PEMT: variants seen among roughly 807,000 people sequenced by gnomAD.
PEMT encodes phosphatidylethanolamine N-methyltransferase.
Under a neutral mutation model 27.4 loss-of-function variants are expected in PEMT, and 23 were observed. That is an observed-to-expected ratio of 0.84 (90% CI 0.60 to 1.19). The LOEUF (loss-of-function observed/expected upper bound fraction) is 1.19. Ranked by LOEUF, PEMT falls within the 50% of genes most tolerant of loss-of-function variation. PEMT has a pLI of 0.00. For missense variants in PEMT, 307 were observed against 310.1 expected (o/e 0.99, Z 0.07); for synonymous variants, 137 against 139.1 (o/e 0.98, Z 0.11).
chr17:17,575,457 C>T (rs1312725809), intron 2 of PEMT, among the ~76,000 whole-genome samples: 3 of 152,226 alleles, frequency 2.0e-5, no homozygotes, highest in Non-Finnish European at 4.4e-5. Flanking sequence ...CCCTCCTCAC[C>T]CTTCACCACC....
At chr17:17,515,091 C>A (rs1245383628) in intron 3 of PEMT, among the ~76,000 whole-genome samples, 1 of 152,164 alleles carries the variant, frequency 6.6e-6, no homozygotes, top group Non-Finnish European at 1.5e-5. Flanking sequence ...AGAGGCCAGG[C>A]CCGAGACGCT....
chr17:17,535,823 G>A (rs1908425606), intron 2 of PEMT, among the ~76,000 whole-genome samples: 1 of 152,204 alleles, frequency 6.6e-6, no homozygotes, highest in African/African-American at 2.4e-5. Context: ...CTAGTTTAGT[G>A]TATGTTGCAT....
rs1016840565 is a variant in PEMT, at chr17:17,570,614, G to A, written c.204+6306C>T. ...GGTCTGTGGGCAGCCTTGCACAAGA[G>A]AAGCCAGATCACCCAGAAAGGCCCA... On this transcript the variant is annotated intron_variant, in intron 2 of 6. Coordinates refer to ENST00000255389, the MANE Select transcript of PEMT (RefSeq NM_148172.3). 1.0e-5 allele frequency: 10 copies of A among 985,306 alleles called. No individual in the cohort carries two copies. The African/African-American group carries it at 1.4e-4, about 14-fold the overall frequency. 61.0% of individuals were successfully genotyped at this position (985,306 alleles called of 1,614,324 possible).
chr17:17,589,958 G>A (rs4646342), intron 1 of PEMT, among the ~76,000 whole-genome samples: 64,158 of 151,830 alleles, frequency 0.42, 13,772 homozygotes, highest in Middle Eastern at 0.5. Flanking sequence ...TCACACACCC[G>A]GTTAGTCTCC....
intron 2 of PEMT, among the ~76,000 whole-genome samples, chr17:17,553,916 C>T (rs186101146): frequency 1.1e-3 from 163 of 152,360 alleles, no homozygotes; most frequent in African/African-American, 3.7e-3. Context: ...CCTCCCTCCC[C>T]GCTGCCCGGC....
intron 2 of PEMT, among the ~76,000 whole-genome samples, chr17:17,554,172 T>C (rs1909877534): frequency 6.6e-6 from 1 of 152,228 alleles, no homozygotes; most frequent in African/African-American, 2.4e-5. Flanking sequence ...CTCACAGACA[T>C]ACCTTGTGCA....
At chr17:17,562,313 C>A (rs1015407161) in intron 2 of PEMT, among the ~76,000 whole-genome samples, 11 of 152,322 alleles carry the variant, frequency 7.2e-5, no homozygotes, top group African/African-American at 2.4e-4. Flanking sequence ...GAGCTCACTG[C>A]AGCGGCAGCC....
At chr17:17,591,230 G>A (rs1413137792) in intron 1 of PEMT, among the ~76,000 whole-genome samples, 1 of 130,298 alleles carries the variant, frequency 7.7e-6, no homozygotes, top group Non-Finnish European at 1.9e-5. Context: ...AGACTAACAC[G>A]GACAACCTCT....
chr17:17,506,161 G>A, intron 6 of PEMT, 66 bp downstream of exon 6: 2 of 1,309,166 alleles, frequency 1.5e-6, no homozygotes, highest in East Asian at 2.5e-5. Context: ...CACAAGGAAA[G>A]GTTCTAGAGG....
intron 2 of PEMT, among the ~76,000 whole-genome samples, chr17:17,574,460 C>T (rs962793772): frequency 6.6e-6 from 1 of 151,984 alleles, no homozygotes; most frequent in East Asian, 1.9e-4. Flanking sequence ...GCTGGGACTA[C>T]AGGCGTACAC....
intron 2 of PEMT, among the ~76,000 whole-genome samples, chr17:17,568,107 G>A (rs1910954973): frequency 6.6e-6 from 1 of 152,226 alleles, no homozygotes; most frequent in Middle Eastern, 3.4e-3. Context: ...AGTCCAGATT[G>A]CAGGTATGCA....
At chr17:17,577,138 A>T in intron 1 of PEMT, 111 bp from the exon 2 acceptor site, 3 of 776,782 alleles carry the variant, frequency 3.9e-6, no homozygotes, top group Non-Finnish European at 6.6e-6. Context: ...GCCTGGGAAC[A>T]TCCAAGTCCG....
chr17:17,533,866 G>A (rs1908275903), intron 2 of PEMT, among the ~76,000 whole-genome samples: 2 of 152,122 alleles, frequency 1.3e-5, no homozygotes, highest in Admixed American at 6.5e-5. Context: ...AAGTAGCTGG[G>A]ATTACAGGTG....
intron 2 of PEMT, among the ~76,000 whole-genome samples, chr17:17,525,861 G>T (rs957644698): frequency 6.6e-6 from 1 of 152,174 alleles, no homozygotes; most frequent in Admixed American, 6.5e-5. Context: ...GGGCACAGTG[G>T]TGTGCACCTG....
At chr17:17,527,938 G>A (rs2142557157) in intron 2 of PEMT, among the ~76,000 whole-genome samples, 1 of 152,290 alleles carries the variant, frequency 6.6e-6, no homozygotes, top group South Asian at 2.1e-4. Context: ...CAGCTGCAGT[G>A]GTAGGTCCCA....
At chr17:17,576,706 C>T (rs575764486) in intron 2 of PEMT, among the ~76,000 whole-genome samples, 1 of 152,190 alleles carries the variant, frequency 6.6e-6, no homozygotes, top group Non-Finnish European at 1.5e-5. Context: ...ACCATCCTGA[C>T]GCCAGCCTGG....
rs181480843 is a variant in PEMT at position 17,542,880 on chromosome 17, C to T, written c.205-20485G>A. Among the ~76,000 whole-genome samples the T allele has an allele frequency of 4.3e-4, 65 of 152,320 alleles. 2 individuals are homozygous for T. Among genetic ancestry groups the T allele is most frequent in the Non-Finnish European group, 2.4e-4 (16 of 68,018 alleles). On this transcript the variant is annotated intron_variant, in intron 2 of 6. Coordinates refer to ENST00000255389, the MANE Select transcript of PEMT (RefSeq NM_148172.3). ...AGGGCCCAAGGCTGCAGGGAGTACC[C>T]CAGGGGATGGGCAGTGAAGCTGCCG... is the stretch of plus-strand genomic sequence containing the variant.
At chr17:17,554,571 G>A (rs1364065735) in intron 2 of PEMT, among the ~76,000 whole-genome samples, 1 of 152,230 alleles carries the variant, frequency 6.6e-6, no homozygotes, top group Non-Finnish European at 1.5e-5. Flanking sequence ...TTTCATCAGT[G>A]ACGGCCAGAG....
At chr17:17,579,814 G>A (rs1026448871) in intron 1 of PEMT, among the ~76,000 whole-genome samples, 1 of 152,224 alleles carries the variant, frequency 6.6e-6, no homozygotes, top group Non-Finnish European at 1.5e-5. Flanking sequence ...CAGCAGGTGT[G>A]GGCATCAGTA....
Sources: allele counts gnomAD v4.1 joint callset (sites outside exome capture counted in the v4.1 genomes callset), GRCh38; gene constraint gnomAD v4.1.1; transcripts MANE v1.5; gene names NCBI Gene and HGNC (gene_info 2026-07-23, HGNC 2026-07-21).